Variants in GLIS3 observed in about 807,000 individuals in gnomAD.
GLIS3 encodes the protein GLIS family zinc finger 3, also known as zinc finger protein GLIS3.
In GLIS3, 53 loss-of-function variants were observed where a neutral mutation model predicts 78.6. The ratio of observed to expected loss-of-function variants is 0.67; its 90% confidence interval spans 0.54 to 0.85. GLIS3 has a LOEUF of 0.85. GLIS3 is among the 40% of genes least tolerant of loss of function. The probability of loss-of-function intolerance (pLI) is 0.00; values close to 1 mark genes in which losing one functional copy is unlikely to be tolerated. For missense variants in GLIS3, 1,703 were observed against 1,231.1 expected, an observed-to-expected ratio of 1.38 and a Z score of -5.74; for synonymous variants, 684 against 509.9, an observed-to-expected ratio of 1.34 and a Z score of -4.60.
the GLIS3 span, among the ~76,000 whole-genome samples, chr9:4,464,048 G>A: frequency 2.0e-5 from 3 of 152,046 alleles, no homozygotes; most frequent in African/African-American, 7.2e-5. Flanking sequence ...TAGAACATGA[G>A]GAGCCTTTAT....
At chr9:3,863,885 CCT>C (rs1444531686) in intron 8 of GLIS3, among the ~76,000 whole-genome samples, 3 of 151,904 alleles carry the variant, frequency 2.0e-5, no homozygotes, top group Non-Finnish European at 1.5e-5. Flanking sequence ...GTGTTTCTCC[CCT>C]GTGGAAAGAA....
At chr9:4,165,485 G>A (rs1276696545) in intron 2 of GLIS3, among the ~76,000 whole-genome samples, 1 of 152,052 alleles carries the variant, frequency 6.6e-6, no homozygotes, top group Non-Finnish European at 1.5e-5. Context: ...TTCCATGGGG[G>A]GAAAAAGATT....
chr9:4,462,585 C>A, the GLIS3 span, among the ~76,000 whole-genome samples: 1 of 146,204 alleles, frequency 6.8e-6, no homozygotes, highest in African/African-American at 2.5e-5. Context: ...AGCGAGATTC[C>A]ATCTCTATAA....
At chr9:4,139,152 C>G (rs1292073725) in intron 2 of GLIS3, among the ~76,000 whole-genome samples, 2 of 152,118 alleles carry the variant, frequency 1.3e-5, no homozygotes, top group African/African-American at 4.8e-5. Context: ...AGATTCAGAA[C>G]CTTTCTTCCA....
intron 2 of GLIS3, among the ~76,000 whole-genome samples, chr9:4,187,802 G>C (rs1338139211): frequency 3.3e-5 from 5 of 152,058 alleles, no homozygotes; most frequent in African/African-American, 1.2e-4. Flanking sequence ...CTGTTTGTCT[G>C]TTATTGGTGT....
At chr9:4,413,225 A>C in the GLIS3 span, among the ~76,000 whole-genome samples, 1 of 152,220 alleles carries the variant, frequency 6.6e-6, no homozygotes, top group South Asian at 2.1e-4. Flanking sequence ...TTAATACCAC[A>C]ATCCCAAATC....
chr9:4,220,311 C>T (rs1800308298), intron 2 of GLIS3, among the ~76,000 whole-genome samples: 1 of 152,070 alleles, frequency 6.6e-6, no homozygotes, highest in Admixed American at 6.5e-5. Flanking sequence ...GTTTGATGAG[C>T]AATAAGATAT....
At chr9:4,415,741 CAG>C in the GLIS3 span, among the ~76,000 whole-genome samples, 1 of 151,790 alleles carries the variant, frequency 6.6e-6, no homozygotes, top group Non-Finnish European at 1.5e-5. Context: ...CCCCAGAAAA[CAG>C]AAACAAAAAC....
intron 4 of GLIS3, among the ~76,000 whole-genome samples, chr9:3,991,683 A>ATTT (rs59495657): frequency 3.4e-5 from 3 of 87,886 alleles, no homozygotes; most frequent in East Asian, 3.4e-4. Flanking sequence ...AAGTAGGCTG[A>ATTT]TTTTTTTTTT....
the GLIS3 span, among the ~76,000 whole-genome samples, chr9:4,406,424 G>A: frequency 5.9e-5 from 9 of 152,114 alleles, no homozygotes; most frequent in African/African-American, 1.7e-4. Flanking sequence ...AGGTTCCAGC[G>A]ATTCTCCTGC....
intron 2 of GLIS3, among the ~76,000 whole-genome samples, chr9:4,197,292 T>C (rs1281636503): frequency 6.6e-6 from 1 of 152,100 alleles, no homozygotes; most frequent in Non-Finnish European, 1.5e-5. Context: ...ACTAAGCACA[T>C]CTCCAGACAT....
At chr9:3,907,350 T>C (rs1267536222) in intron 6 of GLIS3, among the ~76,000 whole-genome samples, 1 of 152,180 alleles carries the variant, frequency 6.6e-6, no homozygotes, top group African/African-American at 2.4e-5. Flanking sequence ...CAATTCTTTA[T>C]GTAAAGGAAG....
chr9:4,030,217 A>C (rs1213113818), intron 4 of GLIS3, among the ~76,000 whole-genome samples: 1 of 152,138 alleles, frequency 6.6e-6, no homozygotes, highest in Non-Finnish European at 1.5e-5. Flanking sequence ...GCACCTTTTC[A>C]TATGCCTGTT....
intron 6 of GLIS3, among the ~76,000 whole-genome samples, chr9:3,912,759 A>G (rs915110657): frequency 6.6e-6 from 1 of 152,236 alleles, no homozygotes; most frequent in African/African-American, 2.4e-5. Flanking sequence ...ACTAAACTGA[A>G]GAATGCATTC....
At position 3,825,620 on chromosome 9, in the gene GLIS3, T is replaced by A. The variant is rs993380448; in HGVS notation, c.*2652A>T. The stretch of plus-strand genomic sequence containing the variant: ...ATGATTTTTTTGAAGTTTCCACTTG[T>A]ACTGCTGCAAAAATAATGATGAATA... On this transcript the variant is annotated 3_prime_UTR_variant, in exon 11 of 11. Transcript: ENST00000381971. 3 of 152,246 alleles carry A rather than the reference T, an allele frequency of 2.0e-5. No homozygotes were observed. The highest frequency in any genetic ancestry group is 4.4e-5 in the Non-Finnish European group (3 of 68,050). The allele number at this position is 152,246 out of a possible 1,614,324, so 9.4% of individuals were successfully genotyped here. A position where few individuals can be genotyped will look rare whatever the true frequency, so the allele number is the denominator to read the frequency against.
At chr9:4,475,064 G>A in the GLIS3 span, among the ~76,000 whole-genome samples, 31 of 141,310 alleles carry the variant, frequency 2.2e-4, 1 homozygote, top group East Asian at 5.3e-3. Flanking sequence ...CATGATCTCG[G>A]CTCACTGCAA....
chr9:4,196,279 G>C lies in GLIS3; in HGVS notation c.389-70338C>G, dbSNP rs150187508. Among the ~76,000 whole-genome samples, 63 of 152,176 alleles carry C rather than the reference G, an allele frequency of 4.1e-4. No homozygotes were observed. The East Asian group carries it at 0.012, about 28-fold the overall frequency. On this transcript the variant is annotated intron_variant, in intron 2 of 10. Coordinates refer to ENST00000381971, the MANE Select transcript of GLIS3 (RefSeq NM_001042413.2). The stretch of plus-strand genomic sequence containing the variant: ...GCACCCTGTCAAAACAGTCCAATCA[G>C]CTCTCTGTAAAATGGACCAATCAGC...
chr9:4,472,177 T>A, the GLIS3 span, among the ~76,000 whole-genome samples: 1 of 152,156 alleles, frequency 6.6e-6, no homozygotes, highest in Admixed American at 6.6e-5. Context: ...AACTAGTTCA[T>A]CCATTGTGGA....
intron 2 of GLIS3, among the ~76,000 whole-genome samples, chr9:4,138,381 C>A (rs987927151): frequency 6.6e-6 from 1 of 152,124 alleles, no homozygotes; most frequent in African/African-American, 2.4e-5. Flanking sequence ...TTAACTAACA[C>A]AGGAAACAAT....
Sources: allele counts gnomAD v4.1 joint callset (sites outside exome capture counted in the v4.1 genomes callset), GRCh38; gene constraint gnomAD v4.1.1; transcripts MANE v1.5; gene names NCBI Gene and HGNC (gene_info 2026-07-23, HGNC 2026-07-21).